SZT2: variants seen among roughly 807,000 people sequenced by gnomAD.
The protein encoded by SZT2 is KICSTOR complex protein SZT2.
In SZT2, 216 loss-of-function variants were observed where a neutral mutation model predicts 404.2. The ratio of observed to expected loss-of-function variants is 0.53; its 90% CI spans 0.48 to 0.60. The LOEUF (loss-of-function observed/expected upper bound fraction) is 0.60. Among genes scored for constraint, SZT2 ranks in the 20% least tolerant of loss-of-function variants. The pLI, the probability that SZT2 is intolerant of heterozygous loss-of-function variation, is 0.00. For synonymous variants in SZT2, 1,693 were observed against 1,749.9 expected, an observed-to-expected ratio of 0.97 and a Z score of 0.81; for missense variants, 3,857 against 4,459.2, an observed-to-expected ratio of 0.86 and a Z score of 3.85.
Position 43,441,985 on chromosome 1 carries a change from C to T in SZT2, c.7743-15C>T, listed in dbSNP as rs939878264. 1.9e-6 allele frequency: 3 copies of T among 1,607,212 alleles called. No homozygotes were observed. Among genetic ancestry groups the T allele is most frequent in the Non-Finnish European group, 2.6e-6 (3 of 1,175,900 alleles). ...TGTCATGGATGGCCTTTCTGTCTGT[C>T]CTCCCTTTCAATAGGGGTTCAGAGC... is the stretch of plus-strand genomic sequence containing the variant. On this transcript the variant is annotated splice_polypyrimidine_tract_variant and intron_variant, in intron 55 of 71. Transcript: ENST00000634258. The surrounding 1 kb of genome is among the most constrained non-coding windows in gnomAD (Gnocchi z 4.8).
rs2153932580 is a variant in SZT2, at chr1:43,422,803, G to A, written c.1957G>A (p.Val653Ile). Residue 653 changes from valine to isoleucine, a missense_variant, in exon 14 of 72, where the codon GTC (valine) becomes ATC (isoleucine). Coordinates refer to ENST00000634258, the MANE Select transcript of SZT2 (RefSeq NM_001365999.1). Reference sequence around the variant, plus strand: ...CCAGCCCCCCAATTCCTTCTACATGGTCCGTATCATTTCCAAGGCCCCATG... The same window carrying A: ...CCAGCCCCCCAATTCCTTCTACATGATCCGTATCATTTCCAAGGCCCCATG... ...PDQPPNSFYM[V>I]RIISKAPCMV... 1 of 1,593,402 alleles carries A rather than the reference G, an allele frequency of 6.3e-7. No homozygotes were observed. The highest frequency in any genetic ancestry group is 8.5e-7 in the Non-Finnish European group (1 of 1,177,754).
Position 43,426,656 on chromosome 1 carries a change from C to T in SZT2, c.3215-59C>T. 2 of 1,527,422 alleles carry T rather than the reference C, an allele frequency of 1.3e-6. No homozygotes were observed. Among genetic ancestry groups the T allele is most frequent in the Non-Finnish European group, 1.8e-6 (2 of 1,126,804 alleles). 94.6% of individuals were successfully genotyped at this position (1,527,422 alleles called of 1,614,324 possible). On this transcript the variant is annotated intron_variant, in intron 22 of 71. Transcript: ENST00000634258. The surrounding 1 kb of genome is among the most constrained non-coding windows in gnomAD (Gnocchi z 4.9). Reference sequence around the variant, plus strand: ...CCCCTTCCTCCCCCTTTCTTCAACCCAGAGTCCCGCCTCTCTGCTGGCCCT... The same window carrying T: ...CCCCTTCCTCCCCCTTTCTTCAACCTAGAGTCCCGCCTCTCTGCTGGCCCT...
Position 43,432,588 on chromosome 1 carries a change from C to T in SZT2, c.5514C>T (p.Pro1838=). ...DSEGVPLISL[P]RVPQGGSQPG... is the part of the protein sequence containing the mutation. ...AGGGTGTCCCCCTCATCAGCCTGCC[C>T]CGCGTGCCACAGGGAGGTAAGAGAG... The change falls in exon 38 of 72, where the codon CCC becomes CCT. Residue 1838 remains proline (P), a synonymous_variant. Coordinates refer to ENST00000634258, the MANE Select transcript of SZT2 (RefSeq NM_001365999.1). 6.2e-7 allele frequency: 1 copy of T among 1,613,674 alleles called. No individual in the cohort carries two copies. Among genetic ancestry groups the T allele is most frequent in the Non-Finnish European group, 8.5e-7 (1 of 1,179,738 alleles).
chr1:43,430,596 C>T lies in SZT2; in HGVS notation c.4581C>T (p.Asp1527=), dbSNP rs1032931106. 13 of 1,614,076 alleles carry T rather than the reference C, an allele frequency of 8.1e-6. No individual in the cohort carries two copies. The highest frequency in any genetic ancestry group is 1.1e-5 in the Non-Finnish European group (13 of 1,180,054). ...CAGACCTGGGGCCTGCTGGGCTAGA[C>T]TCTGCCTCGCTGTCAGACGTAGACA... is the stretch of plus-strand genomic sequence containing the variant. ...RESDLGPAGL[D]SASLSDVDTV... is the part of the protein sequence containing the mutation. The change falls in exon 32 of 72, where the codon GAC becomes GAT. Residue 1527 remains aspartate (D), a synonymous_variant. Coordinates refer to ENST00000634258, the MANE Select transcript of SZT2 (RefSeq NM_001365999.1).
intron 1 of SZT2, among the ~76,000 whole-genome samples, chr1:43,394,876 T>A (rs1648808426): frequency 6.9e-6 from 1 of 145,114 alleles, no homozygotes; most frequent in Non-Finnish European, 1.5e-5. Context: ...CGAAACTCCA[T>A]CTCAAAAAAA....
intron 41 of SZT2, 73 bp from the exon 42 acceptor site, chr1:43,435,127 G>A: frequency 6.5e-7 from 1 of 1,544,170 alleles, no homozygotes; most frequent in Non-Finnish European, 8.8e-7. Flanking sequence ...TCTGGCATTT[G>A]ATCACCCCTG....
rs151189395 is a variant in SZT2 at position 43,426,063 on chromosome 1, C to T, written c.2955C>T (p.Cys985=). 1,420 of 1,614,106 alleles carry T rather than the reference C, an allele frequency of 8.8e-4. 2 individuals are homozygous for T. The highest frequency in any genetic ancestry group is 1.2e-3 in the Middle Eastern group (7 of 6,062). The part of the protein sequence containing the change: ...SDGLDQGGDT[C]VHEIPFHFDL... ...GATTGGATCAGGGAGGAGACACCTG[C>T]GTCCATGAGATCCCTTTCCATTTTG... The change falls in exon 21 of 72, where the codon TGC becomes TGT. Residue 985 remains cysteine (C), a synonymous_variant. Transcript: ENST00000634258. The surrounding 1 kb of genome is among the most constrained non-coding windows in gnomAD (Gnocchi z 4.9).
chr1:43,448,772 A>G lies in SZT2; in HGVS notation c.10086+44A>G, dbSNP rs1656008961. On this transcript the variant is annotated intron_variant, in intron 70 of 71. Transcript: ENST00000634258. This position sits in a 1 kb window ranked among gnomAD's most constrained non-coding sequence, Gnocchi z 4.2. The stretch of plus-strand genomic sequence containing the variant: ...CCTCTGAAAAGGGAAACACAGCAGA[A>G]ATCCTCACCAAACAGATGTGCCCCT... The G allele has an allele frequency of 6.4e-7, 1 of 1,565,560 alleles. No individual in the cohort carries two copies. Among genetic ancestry groups the G allele is most frequent in the Non-Finnish European group, 8.8e-7 (1 of 1,136,472 alleles).
At chr1:43,427,225 CT>C (rs774786896) in intron 24 of SZT2, 46 bp downstream of exon 24, 12 of 1,607,270 alleles carry the variant, frequency 7.5e-6, no homozygotes, top group Non-Finnish European at 1.0e-5. Context: ...ATACAAACCC[CT>C]GAGCTCCCTC....
intron 61 of SZT2, 52 bp downstream of exon 61, chr1:43,443,529 C>T (rs762485299): frequency 1.2e-6 from 2 of 1,613,398 alleles, no homozygotes; most frequent in East Asian, 2.2e-5. Context: ...CCACAGTGAC[C>T]CCCCTCCTCC....
At chr1:43,396,475 A>G (rs1444432155) in intron 1 of SZT2, among the ~76,000 whole-genome samples, 2 of 152,220 alleles carry the variant, frequency 1.3e-5, no homozygotes, top group East Asian at 1.9e-4. Context: ...ATGTGAGGAC[A>G]TTCCCAACTC....
At chr1:43,397,465 C>T (rs1256131367) in intron 1 of SZT2, among the ~76,000 whole-genome samples, 1 of 151,240 alleles carries the variant, frequency 6.6e-6, no homozygotes, top group African/African-American at 2.4e-5. Context: ...TAGACATGGC[C>T]TCCACCTCGC....
rs539339860 is a variant in SZT2 at position 43,450,721 on chromosome 1, C to T, written c.*241C>T. The T allele has an allele frequency of 5.5e-4, 387 of 707,592 alleles. No individual in the cohort carries two copies. Among genetic ancestry groups the T allele is most frequent in the African/African-American group, 3.6e-3 (207 of 57,006 alleles). 43.8% of individuals were successfully genotyped at this position (707,592 alleles called of 1,614,324 possible). A position where few individuals can be genotyped will look rare whatever the true frequency, so the allele number is the denominator to read the frequency against. ...GGACTCCAGAGAGTCAGGTCAACCC[C>T]GAGGACCCCTTGGGCCCTTCTGGGG... On this transcript the variant is annotated 3_prime_UTR_variant, in exon 72 of 72. Transcript: ENST00000634258. The surrounding 1 kb of genome is among the most constrained non-coding windows in gnomAD (Gnocchi z 4.3).
At chr1:43,445,622 G>A (rs1406786650) in intron 62 of SZT2, 4 of 534,466 alleles carry the variant, frequency 7.5e-6, no homozygotes, top group African/African-American at 1.9e-5. Context: ...TTCCTGCCCA[G>A]CACACACCCT....
Position 43,438,736 on chromosome 1 carries a change from T to C in SZT2, c.6546T>C (p.Cys2182=). The change falls in exon 47 of 72, where the codon TGT becomes TGC. Residue 2182 remains cysteine (C), a synonymous_variant. Coordinates refer to ENST00000634258, the MANE Select transcript of SZT2 (RefSeq NM_001365999.1). ...EITDELVRVL[C]RRLDEATLDV... is the part of the protein sequence containing the mutation. ...CGGATGAGCTCGTGCGAGTTCTATG[T>C]CGGCGCCTGGATGAGGCCACGCTGG... 1 of 1,614,096 alleles carries C rather than the reference T, an allele frequency of 6.2e-7. No individual in the cohort carries two copies. The highest frequency in any genetic ancestry group is 8.5e-7 in the Non-Finnish European group (1 of 1,179,992).
In SZT2 at chr1:43,431,827, T is replaced by C. The variant is rs369061129; in HGVS notation, c.5200T>C (p.Ser1734Pro). The C allele has an allele frequency of 6.2e-7, 1 of 1,614,196 alleles. No homozygotes were observed. The highest frequency in any genetic ancestry group is 8.5e-7 in the Non-Finnish European group (1 of 1,180,032). Residue 1734 changes from serine to proline, a missense_variant, in exon 36 of 72, where the codon TCC (serine) becomes CCC (proline). Physicochemically the swap from Ser to Pro is moderately conservative, Grantham distance 74. Around this residue, in one of 7 missense-constraint regions of SZT2, gnomAD observed 1,725 missense variants for 1,881.0 expected, o/e 0.92. Transcript: ENST00000634258. ...CCATATCCATAGTTCTCCTGGACGCTCCACCTGCCTTCGCCAAACTCTGCC... is the reference window on the plus strand; with the variant it reads ...CCATATCCATAGTTCTCCTGGACGCCCCACCTGCCTTCGCCAAACTCTGCC... ...AAHIHSSPGRSTCLRQTLPLS... is the reference protein window; with the variant it reads ...AAHIHSSPGRPTCLRQTLPLS...
In SZT2 at chr1:43,431,343, G is replaced by T. The variant is rs1653847013; in HGVS notation, c.4995G>T (p.Gly1665=). 2 of 1,612,456 alleles carry T rather than the reference G, an allele frequency of 1.2e-6. No homozygotes were observed. The change falls in exon 34 of 72, where the codon GGG becomes GGT. Residue 1665 remains glycine (G), a synonymous_variant. Coordinates refer to ENST00000634258, the MANE Select transcript of SZT2 (RefSeq NM_001365999.1). ...PSSLRSDDGL[G]PPLPPPEEER... ...CTTTAAGGTCAGATGATGGCCTCGG[G>T]CCCCCACTGCCACCCCCAGAAGAGG...
rs1167709961 is a variant in SZT2 at position 43,424,412 on chromosome 1, G to T, written c.2451G>T (p.Gln817His). Residue 817 changes from glutamine to histidine, a missense_variant, in exon 16 of 72, where the codon CAG becomes CAT. This residue lies in a region of SZT2 where 1,725 missense variants were observed against 1,881.0 expected (regional missense o/e 0.92). Coordinates refer to ENST00000634258, the MANE Select transcript of SZT2 (RefSeq NM_001365999.1). The surrounding 1 kb of genome is among the most constrained non-coding windows in gnomAD (Gnocchi z 4.1). The stretch of plus-strand genomic sequence containing the variant: ...CGCTGCCTCTCAGTGCCATTGCCCA[G>T]CTCCTCTCCATCCTCACTGAGTATG... ...APALPLSAIA[Q>H]LLSILTEVRL... 1 of 1,597,748 alleles carries T rather than the reference G, an allele frequency of 6.3e-7. No individual in the cohort carries two copies. Among genetic ancestry groups the T allele is most frequent in the Non-Finnish European group, 8.5e-7 (1 of 1,179,588 alleles).
At position 43,448,661 on chromosome 1, in the gene SZT2, T is replaced by G. The variant is rs1557606725; in HGVS notation, c.10019T>G (p.Val3340Gly). 4 of 1,614,170 alleles carry G rather than the reference T, an allele frequency of 2.5e-6. No homozygotes were observed. Among genetic ancestry groups the G allele is most frequent in the Non-Finnish European group, 3.4e-6 (4 of 1,180,012 alleles). The change falls in exon 70 of 72, where the codon GTT becomes GGT. Residue 3340 changes from valine (V) to glycine (G), a missense_variant. By Grantham distance (109) the Val-to-Gly change is moderately radical. Coordinates refer to ENST00000634258, the MANE Select transcript of SZT2 (RefSeq NM_001365999.1). The surrounding 1 kb of genome is among the most constrained non-coding windows in gnomAD (Gnocchi z 4.2). ...TCCTGGTACCAGAGCCTGATCAAAGTTCTCCTAAGCCGCTTCCCCCAGAGC... is the reference window on the plus strand; with the variant it reads ...TCCTGGTACCAGAGCCTGATCAAAGGTCTCCTAAGCCGCTTCCCCCAGAGC... The part of the protein sequence containing the change: ...TVSWYQSLIK[V>G]LLSRFPQSCR...
Sources: gnomAD v4.1 joint callset for allele counts (sites outside exome capture counted in the v4.1 genomes callset) on GRCh38, gnomAD v4.1.1 for gene constraint, gnomAD v4.1.1 regional missense constraint, Gnocchi (gnomAD v3.1) non-coding constraint, MANE v1.5 for transcripts, NCBI Gene and HGNC (gene_info 2026-07-23, HGNC 2026-07-21) for gene names.